P3H2: variants seen among roughly 807,000 people sequenced by gnomAD.
P3H2 encodes the protein leprecan-like 1.
A neutral mutation model predicts 87.0 loss-of-function variants in P3H2; 80 were observed. The observed-to-expected ratio is 0.92, with a 90% CI of 0.77 to 1.11. The LOEUF (loss-of-function observed/expected upper bound fraction) is 1.11. Among genes scored for constraint, P3H2 ranks in the 50% least tolerant of loss-of-function variants. The pLI is 0.00. For synonymous variants in P3H2, 367 were observed against 359.3 expected, an observed-to-expected ratio of 1.02 and a Z score of -0.24; for missense variants, 1,001 against 923.9, an observed-to-expected ratio of 1.08 and a Z score of -1.08.
At chr3:190,018,242 T>C (rs1320917980) in intron 1 of P3H2, among the ~76,000 whole-genome samples, 1 of 152,206 alleles carries the variant, frequency 6.6e-6, no homozygotes, top group African/African-American at 2.4e-5. Flanking sequence ...ATTCAATCTC[T>C]CTTGCATCTA....
chr3:189,973,886 C>A (rs755389923), intron 10 of P3H2, 23 bp downstream of exon 10: 2 of 1,582,712 alleles, frequency 1.3e-6, no homozygotes, highest in African/African-American at 2.7e-5. Context: ...GGAACTCAAA[C>A]CCAAAAGAAG....
At chr3:190,071,939 T>A (rs1726710963) in intron 1 of P3H2, among the ~76,000 whole-genome samples, 1 of 150,416 alleles carries the variant, frequency 6.6e-6, no homozygotes, top group African/African-American at 2.4e-5. Context: ...AAATTTTTTA[T>A]ACTGATAATA....
chr3:190,089,952 G>A (rs1287446729), intron 1 of P3H2, among the ~76,000 whole-genome samples: 1 of 152,106 alleles, frequency 6.6e-6, no homozygotes, highest in Non-Finnish European at 1.5e-5. Flanking sequence ...TGTTGGGGAG[G>A]CTTCCTGGGT....
At chr3:190,025,726 A>G (rs779851462) in intron 1 of P3H2, among the ~76,000 whole-genome samples, 3 of 152,210 alleles carry the variant, frequency 2.0e-5, no homozygotes, top group Non-Finnish European at 2.9e-5. Context: ...TGAATTCGAG[A>G]TATTTTTGGA....
intron 1 of P3H2, among the ~76,000 whole-genome samples, chr3:190,022,935 T>C (rs1724971844): frequency 6.6e-6 from 1 of 152,146 alleles, no homozygotes; most frequent in South Asian, 2.1e-4. Context: ...CACGCCATTC[T>C]CCTGCTTCAG....
At chr3:190,067,007 C>CTTTTTTT (rs759812431) in intron 1 of P3H2, among the ~76,000 whole-genome samples, 3 of 145,110 alleles carry the variant, frequency 2.1e-5, no homozygotes, top group Middle Eastern at 3.3e-3. Flanking sequence ...TTTTAATTTT[C>CTTTTTTT]TTTCTTTTTT....
At chr3:189,962,161 CTTTTTTTTTTTT>C (rs770628547) in intron 14 of P3H2, among the ~76,000 whole-genome samples, 3 of 87,648 alleles carry the variant, frequency 3.4e-5, no homozygotes, top group Admixed American at 2.7e-4. Context: ...TCTTCTTCTT[CTTTTTTTTTTTT>C]TTTTTTTTTT....
chr3:190,050,319 T>C (rs1327086615), intron 1 of P3H2, among the ~76,000 whole-genome samples: 2 of 152,200 alleles, frequency 1.3e-5, no homozygotes, highest in African/African-American at 4.8e-5. Context: ...GCTTTTTAGA[T>C]ATTTGAAAGC....
chr3:190,063,091 CA>C (rs1726383684), intron 1 of P3H2, among the ~76,000 whole-genome samples: 2 of 152,130 alleles, frequency 1.3e-5, no homozygotes, highest in South Asian at 2.1e-4. Flanking sequence ...CATTCCCCAA[CA>C]AATGGCTCCT....
chr3:190,103,180 T>C (rs921144085), intron 1 of P3H2, among the ~76,000 whole-genome samples: 9 of 152,204 alleles, frequency 5.9e-5, no homozygotes, highest in Non-Finnish European at 1.2e-4. Flanking sequence ...TTCTGAGGTA[T>C]GCTAGTTTTC....
intron 1 of P3H2, among the ~76,000 whole-genome samples, chr3:190,105,256 A>C (rs1711786278): frequency 6.6e-6 from 1 of 152,174 alleles, no homozygotes; most frequent in Non-Finnish European, 1.5e-5. Context: ...AAAGTCTTTC[A>C]CATTTGAGCC....
At position 189,983,111 on chromosome 3, in the gene P3H2, G is replaced by C. The variant is rs914237737; in HGVS notation, c.1259C>G (p.Ala420Gly). The change falls in exon 8 of 15, where the codon GCA becomes GGA. Residue 420 changes from alanine (A) to glycine (G), a missense_variant. Coordinates refer to ENST00000319332, the MANE Select transcript of P3H2 (RefSeq NM_018192.4). ...TCCCATTGAGAATCCATGAACTTCT[G>C]CTCCCTCTACGTTCACTCCTGAAGG... ...RVPSGVNVEG[A>G]EVHGFSMGKK... 8.1e-6 allele frequency: 13 copies of C among 1,613,724 alleles called. No individual in the cohort carries two copies. Among genetic ancestry groups the C allele is most frequent in the Middle Eastern group, 1.6e-4 (1 of 6,062 alleles).
At chr3:190,038,681 T>C (rs1725502856) in intron 1 of P3H2, among the ~76,000 whole-genome samples, 1 of 152,090 alleles carries the variant, frequency 6.6e-6, no homozygotes, top group Admixed American at 6.6e-5. Flanking sequence ...GAGGTGGAAA[T>C]GACTGCAGAG....
At chr3:190,113,863 G>A (rs1484776621) in intron 1 of P3H2, among the ~76,000 whole-genome samples, 1 of 152,078 alleles carries the variant, frequency 6.6e-6, no homozygotes, top group Non-Finnish European at 1.5e-5. Flanking sequence ...GGATCACGAG[G>A]TCGGGAGTTC....
chr3:190,068,979 G>C (rs981124157), intron 1 of P3H2, among the ~76,000 whole-genome samples: 3 of 152,028 alleles, frequency 2.0e-5, no homozygotes, highest in African/African-American at 7.2e-5. Flanking sequence ...TCCCATGTTT[G>C]GTAGTACACT....
In P3H2 at chr3:190,048,077, T is replaced by C. The variant is rs139683210; in HGVS notation, c.481-52635A>G. On this transcript the variant is annotated intron_variant, in intron 1 of 14. Coordinates refer to ENST00000319332, the MANE Select transcript of P3H2 (RefSeq NM_018192.4). ...TACTTTAGAGGTCCCTCAAGGACTG[T>C]TGAATACAGAAGAGGAGCAGTTTCA... is the stretch of plus-strand genomic sequence containing the variant. 2.4e-4 allele frequency among the ~76,000 whole-genome samples: 37 copies of C among 152,342 alleles called. 1 individual carries two copies. Among genetic ancestry groups the C allele is most frequent in the African/African-American group, 8.4e-4 (35 of 41,570 alleles).
Position 189,957,647 on chromosome 3 carries a change from T to A in P3H2, c.*265A>T. 1 of 513,732 alleles carries A rather than the reference T, an allele frequency of 1.9e-6. No homozygotes were observed. Among genetic ancestry groups the A allele is most frequent in the Non-Finnish European group, 3.5e-6 (1 of 286,540 alleles). The allele number at this position is 513,732 out of a possible 1,614,324, so 31.8% of individuals were successfully genotyped here. On this transcript the variant is annotated 3_prime_UTR_variant, in exon 15 of 15. Coordinates refer to ENST00000319332, the MANE Select transcript of P3H2 (RefSeq NM_018192.4). ...CTCCAGTGTGCTATCATCACATCTG[T>A]GAATAGCCACTGCCCTATATCCTAG... is the stretch of plus-strand genomic sequence containing the variant.
At chr3:190,110,815 C>A (rs965435939) in intron 1 of P3H2, among the ~76,000 whole-genome samples, 1 of 152,174 alleles carries the variant, frequency 6.6e-6, no homozygotes, top group Non-Finnish European at 1.5e-5. Flanking sequence ...CTCAAATTTC[C>A]TGTGCTTCCA....
intron 1 of P3H2, among the ~76,000 whole-genome samples, chr3:190,000,567 C>T (rs988885905): frequency 6.6e-6 from 1 of 152,218 alleles, no homozygotes; most frequent in Non-Finnish European, 1.5e-5. Context: ...GGAAGGAGAA[C>T]TCCTTTAGAT....
Sources: allele counts gnomAD v4.1 joint callset (sites outside exome capture counted in the v4.1 genomes callset), GRCh38; gene constraint gnomAD v4.1.1; transcripts MANE v1.5; gene names NCBI Gene and HGNC (gene_info 2026-07-23, HGNC 2026-07-21).